Variants in UNC5D observed in about 807,000 individuals in gnomAD.
UNC5D encodes unc-5 netrin receptor D.
In UNC5D, 39 loss-of-function variants were observed where a neutral mutation model predicts 105.4. The ratio of observed to expected loss-of-function variants is 0.37; its 90% CI spans 0.29 to 0.48. The LOEUF is 0.48. Among genes scored for constraint, UNC5D ranks in the 20% least tolerant of loss-of-function variants. The pLI is 0.98. For missense variants in UNC5D, 991 were observed against 1,202.4 expected, an observed-to-expected ratio of 0.82 and a Z score of 2.60; for synonymous variants, 452 against 450.4, an observed-to-expected ratio of 1.00 and a Z score of -0.04.
In UNC5D at chr8:35,645,888, G is replaced by T. The variant is rs140347085; in HGVS notation, c.571-37659G>T. On this transcript the variant is annotated intron_variant, in intron 4 of 16. Coordinates refer to ENST00000404895, the MANE Select transcript of UNC5D (RefSeq NM_080872.4). ...TCTCTTGAGCTCCTGGTCCTTGATA[G>T]GAGTGAAGTCTGTGTGTGTTCCTTT... Among the ~76,000 whole-genome samples the T allele has an allele frequency of 3.6e-3, 540 of 151,822 alleles. 3 individuals are homozygous for T. The highest frequency in any genetic ancestry group is 0.013 in the African/African-American group (518 of 41,314).
chr8:35,462,766 C>A (rs963280062), intron 1 of UNC5D, among the ~76,000 whole-genome samples: 3 of 152,128 alleles, frequency 2.0e-5, no homozygotes, highest in African/African-American at 7.2e-5. Context: ...GGAGTAAGAG[C>A]AAATTACTTC....
intron 1 of UNC5D, among the ~76,000 whole-genome samples, chr8:35,493,110 T>G (rs961970697): frequency 6.6e-6 from 1 of 151,852 alleles, no homozygotes; most frequent in Non-Finnish European, 1.5e-5. Flanking sequence ...AGTCTTTGAT[T>G]TGAGGCAGCT....
intron 1 of UNC5D, among the ~76,000 whole-genome samples, chr8:35,498,068 TCAAAACAAAA>T (rs1346022531): frequency 2.9e-5 from 1 of 34,336 alleles, no homozygotes; most frequent in Non-Finnish European, 5.3e-5. Context: ...AAACTCCATC[TCAAAACAAAA>T]CAAAACAAAA....
In UNC5D at chr8:35,619,727, A is replaced by G. The variant is rs190260096; in HGVS notation, c.570+24070A>G. Among the ~76,000 whole-genome samples, 192 of 152,354 alleles carry G rather than the reference A, an allele frequency of 1.3e-3. 1 individual carries two copies. Among genetic ancestry groups the G allele is most frequent in the Non-Finnish European group, 2.0e-3 (139 of 68,038 alleles). On this transcript the variant is annotated intron_variant, in intron 4 of 16. Transcript: ENST00000404895. ...TGTTTGTAAATGATTTCAGACTTGT[A>G]TACAATCTTAAGAATCAGTAACTCT...
At chr8:35,555,609 C>A (rs554114316) in intron 2 of UNC5D, among the ~76,000 whole-genome samples, 1 of 151,912 alleles carries the variant, frequency 6.6e-6, no homozygotes, top group African/African-American at 2.4e-5. Context: ...AGGCAGATCA[C>A]AAGGTCAAGA....
At chr8:35,365,635 C>A (rs1464353782) in intron 1 of UNC5D, among the ~76,000 whole-genome samples, 1 of 127,296 alleles carries the variant, frequency 7.9e-6, no homozygotes, top group Admixed American at 8.5e-5. Flanking sequence ...TGAAGGATAA[C>A]AGTTAACTGG....
At chr8:35,271,605 A>G (rs1805344430) in intron 1 of UNC5D, among the ~76,000 whole-genome samples, 1 of 141,104 alleles carries the variant, frequency 7.1e-6, no homozygotes, top group Non-Finnish European at 1.5e-5. Flanking sequence ...TTATACATGT[A>G]TTATATATTA....
chr8:35,611,197 T>C (rs939999313), intron 4 of UNC5D, among the ~76,000 whole-genome samples: 2 of 152,140 alleles, frequency 1.3e-5, no homozygotes, highest in African/African-American at 4.8e-5. Flanking sequence ...CAGAAAATTC[T>C]TGTAATGTCT....
chr8:35,686,470 C>G, intron 6 of UNC5D, 75 bp from the exon 7 acceptor site: 2 of 1,422,308 alleles, frequency 1.4e-6, no homozygotes, highest in South Asian at 3.2e-5. Context: ...TCTAGAACAA[C>G]AGCAGTCCTG....
At chr8:35,552,416 T>C (rs1816229813) in intron 2 of UNC5D, among the ~76,000 whole-genome samples, 1 of 152,236 alleles carries the variant, frequency 6.6e-6, no homozygotes, top group South Asian at 2.1e-4. Context: ...CTTGCTGACA[T>C]AAGGATGGAT....
rs924502649 is a variant in UNC5D at position 35,791,685 on chromosome 8, T to G, written c.*1122T>G. The G allele has an allele frequency of 1.6e-4, 25 of 152,170 alleles. No homozygotes were observed. Among genetic ancestry groups the G allele is most frequent in the Admixed American group, 6.6e-5 (1 of 15,258 alleles). 9.4% of individuals were successfully genotyped at this position (152,170 alleles called of 1,614,324 possible). ...GATAGTCTTTGCTCTAAATGATATCTGAGTAAATAGACTTGAGGAATCCTC... is the reference window on the plus strand; with the variant it reads ...GATAGTCTTTGCTCTAAATGATATCGGAGTAAATAGACTTGAGGAATCCTC... On this transcript the variant is annotated 3_prime_UTR_variant, in exon 17 of 17. Transcript: ENST00000404895.
chr8:35,318,496 A>C (rs1534585), intron 1 of UNC5D, among the ~76,000 whole-genome samples: 124,682 of 151,998 alleles, frequency 0.82, 51,589 homozygotes, highest in East Asian at 1. Context: ...GGGCAGATAT[A>C]TTTGCATCTG....
chr8:35,538,502 A>G (rs2130613079), intron 1 of UNC5D, among the ~76,000 whole-genome samples: 1 of 149,044 alleles, frequency 6.7e-6, no homozygotes, highest in East Asian at 2.0e-4. Context: ...AGACAGAATG[A>G]CATGTTTGAA....
intron 1 of UNC5D, among the ~76,000 whole-genome samples, chr8:35,326,285 T>C (rs571108679): frequency 3.6e-4 from 55 of 152,282 alleles, no homozygotes; most frequent in African/African-American, 1.2e-3. Context: ...GCGAGCACCA[T>C]GGTGCAGTAG....
intron 3 of UNC5D, among the ~76,000 whole-genome samples, chr8:35,574,740 G>A (rs527766205): frequency 1.3e-4 from 20 of 152,240 alleles, no homozygotes; most frequent in African/African-American, 4.6e-4. Flanking sequence ...TACAGATGCA[G>A]CCTTCCTGTA....
rs77058241 is a variant in UNC5D, at chr8:35,743,602, A to T, written c.1767-4925A>T. ...CTGCACTCACTTTAAAAAAAAAAAA[A>T]TTTTTTTTAAATCTTGACAAAATTT... On this transcript the variant is annotated intron_variant, in intron 11 of 16. Transcript: ENST00000404895. Among the ~76,000 whole-genome samples, 1,183 of 149,710 alleles carry T rather than the reference A, an allele frequency of 7.9e-3. 7 individuals are homozygous for T. The highest frequency in any genetic ancestry group is 8.3e-3 in the South Asian group (40 of 4,794).
chr8:35,282,475 G>A (rs764475285), intron 1 of UNC5D, among the ~76,000 whole-genome samples: 2 of 152,058 alleles, frequency 1.3e-5, no homozygotes, highest in African/African-American at 2.4e-5. Context: ...CACATGTGAA[G>A]TCTCTTCAAT....
In UNC5D at chr8:35,774,349, T is replaced by C; in HGVS notation, c.2529T>C (p.Pro843=). 1 of 1,614,162 alleles carries C rather than the reference T, an allele frequency of 6.2e-7. No homozygotes were observed. Among genetic ancestry groups the C allele is most frequent in the Non-Finnish European group, 8.5e-7 (1 of 1,179,996 alleles). ...TFFAQEDSTF[P]AQTGPKAFKI... Reference sequence around the variant, plus strand: ...TCGCACAAGAGGACAGCACTTTCCCTGCACAGACTGGCCCCAAAGCCTTCA... The same window carrying C: ...TCGCACAAGAGGACAGCACTTTCCCCGCACAGACTGGCCCCAAAGCCTTCA... Residue 843 remains proline (P), a synonymous_variant, in exon 16 of 17, where the codon CCT becomes CCC. Transcript: ENST00000404895.
intron 1 of UNC5D, among the ~76,000 whole-genome samples, chr8:35,290,552 T>A (rs1806972223): frequency 6.6e-6 from 1 of 151,770 alleles, no homozygotes; most frequent in African/African-American, 2.4e-5. Flanking sequence ...ACAGGAAGAG[T>A]AGGTTTTAAT....
Sources: gnomAD v4.1 joint callset for allele counts (sites outside exome capture counted in the v4.1 genomes callset) on GRCh38, gnomAD v4.1.1 for gene constraint, MANE v1.5 for transcripts, NCBI Gene and HGNC (gene_info 2026-07-23, HGNC 2026-07-21) for gene names.